Variants in RPS6KA5 observed in about 807,000 individuals in gnomAD.
RPS6KA5 encodes ribosomal protein S6 kinase alpha-5.
A neutral mutation model predicts 85.5 loss-of-function variants in RPS6KA5; 27 were observed. The observed-to-expected ratio is 0.32, with a 90% CI of 0.23 to 0.44. The LOEUF is 0.44. Ranked by LOEUF, RPS6KA5 falls within the 20% of genes least tolerant of loss-of-function variation. RPS6KA5 has a pLI of 1.00. For synonymous variants in RPS6KA5, 334 were observed against 348.2 expected, an observed-to-expected ratio of 0.96 and a Z score of 0.46; for missense variants, 811 against 980.9, an observed-to-expected ratio of 0.83 and a Z score of 2.31.
chr14:90,927,556 T>C (rs748332793), intron 5 of RPS6KA5, among the ~76,000 whole-genome samples: 1 of 152,136 alleles, frequency 6.6e-6, no homozygotes, highest in Non-Finnish European at 1.5e-5. Flanking sequence ...GGAGTATCTT[T>C]ATTAATAGGA....
intron 12 of RPS6KA5, among the ~76,000 whole-genome samples, chr14:90,896,872 C>T (rs191919836): frequency 6.6e-6 from 1 of 152,234 alleles, no homozygotes; most frequent in East Asian, 1.9e-4. Context: ...AGGCGCACAA[C>T]ACCACGCCTG....
intron 16 of RPS6KA5, among the ~76,000 whole-genome samples, 165 bp downstream of exon 16, chr14:90,873,467 G>A (rs368976720): frequency 1.2e-4 from 18 of 152,146 alleles, no homozygotes; most frequent in East Asian, 9.6e-4. Context: ...TTGTTATAAA[G>A]TGTTTATAAC....
intron 1 of RPS6KA5, among the ~76,000 whole-genome samples, chr14:91,017,745 G>A (rs2041567421): frequency 6.6e-6 from 1 of 152,202 alleles, no homozygotes; most frequent in Non-Finnish European, 1.5e-5. Flanking sequence ...TATGCTTCCT[G>A]TTCCCACAAC....
chr14:90,889,735 G>C (rs1272587447), intron 14 of RPS6KA5, among the ~76,000 whole-genome samples: 2 of 152,126 alleles, frequency 1.3e-5, no homozygotes, highest in Admixed American at 6.5e-5. Flanking sequence ...ATTCAAATAT[G>C]TATACATGTA....
In RPS6KA5 at chr14:90,856,707, T is replaced by G. The variant is rs2032304286; in HGVS notation, c.*15367A>C. On this transcript the variant is annotated 3_prime_UTR_variant, in exon 17 of 17. Transcript: ENST00000614987. Reference sequence around the variant, plus strand: ...TATAAGATAAAATTCATTTTAAGTGTACCATTCATTGTTTTTTACTACATT... The same window carrying G: ...TATAAGATAAAATTCATTTTAAGTGGACCATTCATTGTTTTTTACTACATT... The G allele has an allele frequency of 6.6e-6, 1 of 152,252 alleles. No individual in the cohort carries two copies. Among genetic ancestry groups the G allele is most frequent in the Non-Finnish European group, 1.5e-5 (1 of 68,086 alleles). The allele number at this position is 152,252 out of a possible 1,614,324, so 9.4% of individuals were successfully genotyped here. A position where few individuals can be genotyped will look rare whatever the true frequency, so the allele number is the denominator to read the frequency against.
chr14:91,020,408 T>C (rs1023021465), intron 1 of RPS6KA5, among the ~76,000 whole-genome samples: 3 of 152,098 alleles, frequency 2.0e-5, no homozygotes, highest in Non-Finnish European at 4.4e-5. Context: ...TGATTTAAGG[T>C]ATGTAGGAGG....
At chr14:90,997,710 A>T (rs2140561989) in intron 2 of RPS6KA5, among the ~76,000 whole-genome samples, 1 of 152,324 alleles carries the variant, frequency 6.6e-6, no homozygotes, top group Non-Finnish European at 1.5e-5. Context: ...ACAGTAAGTC[A>T]TAAAAAGTAT....
chr14:90,997,885 C>T (rs978988577), intron 2 of RPS6KA5, among the ~76,000 whole-genome samples: 8 of 151,332 alleles, frequency 5.3e-5, no homozygotes, highest in Non-Finnish European at 1.0e-4. Context: ...TGGTGGTGTG[C>T]GCCTGTAATC....
chr14:90,886,416 G>A lies in RPS6KA5; in HGVS notation c.1836+4071C>T, dbSNP rs959887141. ...GAATGTTTGTGTTCTCCTTGCACCC[G>A]CTGGGGATTCACACGCTGAAGCCCC... is the stretch of plus-strand genomic sequence containing the variant. On this transcript the variant is annotated intron_variant, in intron 14 of 16. Transcript: ENST00000614987. Among the ~76,000 whole-genome samples, 6 of 152,184 alleles carry A rather than the reference G, an allele frequency of 3.9e-5. 1 individual carries two copies. The South Asian group carries it at 6.2e-4, about 16-fold the overall frequency.
intron 1 of RPS6KA5, among the ~76,000 whole-genome samples, chr14:91,047,939 G>A (rs949266774): frequency 9.2e-5 from 14 of 152,044 alleles, no homozygotes; most frequent in African/African-American, 2.9e-4. Context: ...CTCTGACTCT[G>A]GCCCTCCTGT....
chr14:90,862,159 T>G lies in RPS6KA5; in HGVS notation c.*9915A>C, dbSNP rs1004983384. ...AAATGTAAAAGAAATTGTAAGATGG[T>G]AGACTTAAAACCAATAATAATTACA... On this transcript the variant is annotated 3_prime_UTR_variant, in exon 17 of 17. Coordinates refer to ENST00000614987, the MANE Select transcript of RPS6KA5 (RefSeq NM_004755.4). 2 of 152,000 alleles carry G rather than the reference T, an allele frequency of 1.3e-5. No individual in the cohort carries two copies. Among genetic ancestry groups the G allele is most frequent in the African/African-American group, 4.8e-5 (2 of 41,286 alleles). 9.4% of individuals were successfully genotyped at this position (152,000 alleles called of 1,614,324 possible).
Position 90,861,315 on chromosome 14 carries a change from G to A in RPS6KA5, c.*10759C>T, listed in dbSNP as rs1268283367. 2 of 149,688 alleles carry A rather than the reference G, an allele frequency of 1.3e-5. No homozygotes were observed. Among genetic ancestry groups the A allele is most frequent in the Non-Finnish European group, 3.0e-5 (2 of 67,092 alleles). The allele number at this position is 149,688 out of a possible 1,614,324, so 9.3% of individuals were successfully genotyped here. On this transcript the variant is annotated 3_prime_UTR_variant, in exon 17 of 17. Coordinates refer to ENST00000614987, the MANE Select transcript of RPS6KA5 (RefSeq NM_004755.4). ...AGGCGGGCGGATCACGAGGTCAGGA[G>A]ATCGAGACCATCCCGGCTAAAACGG...
At chr14:90,991,701 C>CAAAAAAAAAAAAAAAAAA (rs57545603) in intron 2 of RPS6KA5, among the ~76,000 whole-genome samples, 1 of 86,030 alleles carries the variant, frequency 1.2e-5, no homozygotes, top group East Asian at 3.0e-4. Context: ...GACTCCATCT[C>CAAAAAAAAAAAAAAAAAA]AAAAAAAAAA....
At chr14:91,003,748 C>T (rs1033318741) in intron 1 of RPS6KA5, among the ~76,000 whole-genome samples, 4 of 152,212 alleles carry the variant, frequency 2.6e-5, no homozygotes, top group Non-Finnish European at 5.9e-5. Context: ...GCTCTTCTTT[C>T]TCCCATACCT....
chr14:90,965,109 G>A (rs982962379), intron 3 of RPS6KA5, among the ~76,000 whole-genome samples: 2 of 152,008 alleles, frequency 1.3e-5, no homozygotes, highest in Admixed American at 6.6e-5. Flanking sequence ...AAAAGTTCTC[G>A]TATCGGCTGG....
intron 3 of RPS6KA5, among the ~76,000 whole-genome samples, chr14:90,974,112 C>T (rs1459489447): frequency 6.8e-6 from 1 of 147,492 alleles, no homozygotes; most frequent in Non-Finnish European, 1.5e-5. Context: ...AAAAATATAA[C>T]CTTATGATGA....
intron 14 of RPS6KA5, among the ~76,000 whole-genome samples, chr14:90,878,048 T>C (rs919540952): frequency 5.9e-5 from 9 of 151,710 alleles, no homozygotes; most frequent in African/African-American, 2.2e-4. Context: ...TCCACAGAGC[T>C]ATCTACACAG....
chr14:90,908,885 C>T (rs1423709208), intron 7 of RPS6KA5, among the ~76,000 whole-genome samples: 1 of 152,130 alleles, frequency 6.6e-6, no homozygotes, highest in African/African-American at 2.4e-5. Context: ...TCTGAGCTTC[C>T]CATGCTGGGG....
rs765863755 is a variant in RPS6KA5 at position 91,044,319 on chromosome 14, AAGAG to A, written c.103+16009_103+16012del. 1.1e-3 allele frequency among the ~76,000 whole-genome samples: 132 copies of A among 122,068 alleles called. 1 individual carries two copies. The highest frequency in any genetic ancestry group is 3.7e-3 in the Middle Eastern group (1 of 270). The allele number at this position is 122,068 out of a possible 152,430, so 80.1% of individuals were successfully genotyped here. On this transcript the variant is annotated intron_variant, in intron 1 of 16. Coordinates refer to ENST00000614987, the MANE Select transcript of RPS6KA5 (RefSeq NM_004755.4). Reference sequence around the variant, plus strand: ...AAAGAGAGAGAAAGAGAGAGAGAGAAAGAGAGAGAGAAAGATAGACAAAGAAAGA... The same window carrying A: ...AAAGAGAGAGAAAGAGAGAGAGAGAAAGAGAGAAAGATAGACAAAGAAAGA...
Sources: gnomAD v4.1 joint callset for allele counts (sites outside exome capture counted in the v4.1 genomes callset) on GRCh38, gnomAD v4.1.1 for gene constraint, MANE v1.5 for transcripts, NCBI Gene and HGNC (gene_info 2026-07-23, HGNC 2026-07-21) for gene names.